Variants in MYLK observed in about 807,000 individuals in gnomAD.
The protein encoded by MYLK is myosin light chain kinase, smooth muscle.
MYLK carries 106 observed loss-of-function variants against 203.4 expected under a neutral mutation model. That is an observed-to-expected ratio of 0.52 (90% CI 0.45 to 0.61). The LOEUF (loss-of-function observed/expected upper bound fraction) is 0.61, where lower values mean the gene tolerates loss of function less well. Among genes scored for constraint, MYLK ranks in the 20% least tolerant of loss-of-function variants. The probability of loss-of-function intolerance (pLI) is 0.00; values close to 1 mark genes in which losing one functional copy is unlikely to be tolerated. For missense variants in MYLK, 2,072 were observed against 2,442.3 expected, an observed-to-expected ratio of 0.85 and a Z score of 3.20; for synonymous variants, 867 against 959.5, an observed-to-expected ratio of 0.90 and a Z score of 1.78.
intron 2 of MYLK, among the ~76,000 whole-genome samples, chr3:123,843,986 T>A (rs938647519): frequency 2.0e-5 from 3 of 152,168 alleles, no homozygotes; most frequent in Non-Finnish European, 4.4e-5. Flanking sequence ...CTTGGAGACC[T>A]CTCTTAAAAG....
In MYLK at chr3:123,613,973, A is replaced by G. The variant is rs556443901; in HGVS notation, c.*132T>C. The G allele has an allele frequency of 1.2e-5, 14 of 1,127,440 alleles. No homozygotes were observed. The African/African-American group carries it at 2.2e-4, about 18-fold the overall frequency. The allele number at this position is 1,127,440 out of a possible 1,614,324, so 69.8% of individuals were successfully genotyped here. A position where few individuals can be genotyped will look rare whatever the true frequency, so the allele number is the denominator to read the frequency against. Reference sequence around the variant, plus strand: ...ATCAACTGCTGTTTCTGAAGAATCAACCCACAAATGACCTAACCGATAATC... The same window carrying G: ...ATCAACTGCTGTTTCTGAAGAATCAGCCCACAAATGACCTAACCGATAATC... On this transcript the variant is annotated 3_prime_UTR_variant, in exon 34 of 34. Transcript: ENST00000360304.
intron 19 of MYLK, among the ~76,000 whole-genome samples, chr3:123,684,035 G>T (rs1256935393): frequency 6.6e-6 from 1 of 152,208 alleles, no homozygotes; most frequent in Non-Finnish European, 1.5e-5. Flanking sequence ...AGGACACAGA[G>T]AAGCAGAAAG....
chr3:123,654,404 G>C (rs2059326607), intron 24 of MYLK, among the ~76,000 whole-genome samples: 1 of 152,004 alleles, frequency 6.6e-6, no homozygotes, highest in Non-Finnish European at 1.5e-5. Flanking sequence ...TACTCACGAT[G>C]GCTCTAGCTC....
intron 29 of MYLK, among the ~76,000 whole-genome samples, chr3:123,632,494 C>T (rs568792154): frequency 2.0e-5 from 3 of 152,322 alleles, no homozygotes; most frequent in African/African-American, 7.2e-5. Flanking sequence ...CTCTGCAACT[C>T]TGGGCACAGT....
intron 4 of MYLK, among the ~76,000 whole-genome samples, chr3:123,758,687 G>A (rs565515747): frequency 1.6e-4 from 25 of 152,196 alleles, no homozygotes; most frequent in Middle Eastern, 6.8e-3. Flanking sequence ...CTTCTGGACC[G>A]CTTAATCAAA....
intron 31 of MYLK, chr3:123,622,880 C>T (rs762270620): frequency 2.0e-5 from 3 of 152,194 alleles, no homozygotes; most frequent in Non-Finnish European, 4.4e-5. Flanking sequence ...ACATCAAGAT[C>T]GCCAAGTTTT....
In MYLK at chr3:123,793,756, AG is replaced by A; in HGVS notation, c.85del (p.Leu29Ter). ...VDPSRVDSMP[L>X]TEAPAFILPP... The stretch of plus-strand genomic sequence containing the variant: ...CAAAATGAAAGCAGGGGCCTCTGTC[AG>A]GGGCATGGAGTCAACTCTTGAGGGA... On this transcript the variant is annotated frameshift_variant, in exon 4 of 34. Transcript: ENST00000360304. LOFTEE classifies it high-confidence loss of function. 6.2e-7 allele frequency: 1 copy of A among 1,613,920 alleles called. No individual in the cohort carries two copies. The highest frequency in any genetic ancestry group is 1.3e-5 in the African/African-American group (1 of 74,960).
chr3:123,857,928 T>C lies in MYLK; in HGVS notation c.-127+18631A>G, dbSNP rs183102617. On this transcript the variant is annotated intron_variant, in intron 2 of 33. Transcript: ENST00000360304. The stretch of plus-strand genomic sequence containing the variant: ...TGGGCCTGTCACCCTGGCCTGTATA[T>C]ATTAATTTTCCCTTGCACTTCAACC... 1.1e-4 allele frequency among the ~76,000 whole-genome samples: 17 copies of C among 152,218 alleles called. No homozygotes were observed. The East Asian group carries it at 3.1e-3, about 28-fold the overall frequency.
chr3:123,797,544 C>T (rs889606828), intron 3 of MYLK, among the ~76,000 whole-genome samples: 7 of 152,168 alleles, frequency 4.6e-5, no homozygotes, highest in Admixed American at 2.0e-4. Flanking sequence ...GTGCCCTCCT[C>T]CTCTGCCACA....
chr3:123,818,508 G>A (rs531701358), intron 3 of MYLK, among the ~76,000 whole-genome samples: 27 of 152,120 alleles, frequency 1.8e-4, no homozygotes, highest in Non-Finnish European at 2.8e-4. Context: ...TGGACAACAC[G>A]GCAAACCACA....
At chr3:123,614,549 T>C (rs980056346) in intron 33 of MYLK, among the ~76,000 whole-genome samples, 200 bp from the exon 34 acceptor site, 1 of 152,160 alleles carries the variant, frequency 6.6e-6, no homozygotes, top group African/African-American at 2.4e-5. Context: ...AAACCCCAAA[T>C]AGAATATTTT....
chr3:123,666,106 A>G, intron 22 of MYLK, 113 bp downstream of exon 22: 1 of 1,546,178 alleles, frequency 6.5e-7, no homozygotes, highest in Non-Finnish European at 8.9e-7. Context: ...TCCCATTTCT[A>G]AAGCTACGAA....
At chr3:123,737,066 A>G (rs1300662034) in intron 8 of MYLK, among the ~76,000 whole-genome samples, 1 of 151,722 alleles carries the variant, frequency 6.6e-6, no homozygotes, top group Non-Finnish European at 1.5e-5. Context: ...AAAAAATACA[A>G]AAATCAGCCG....
chr3:123,736,950 T>G (rs2062692250), intron 8 of MYLK, among the ~76,000 whole-genome samples: 1 of 151,614 alleles, frequency 6.6e-6, no homozygotes, highest in African/African-American at 2.4e-5. Context: ...CTGCCCCTTG[T>G]GGCCGGGCGT....
At chr3:123,693,249 C>A (rs1186189706) in intron 18 of MYLK, among the ~76,000 whole-genome samples, 1 of 152,196 alleles carries the variant, frequency 6.6e-6, no homozygotes, top group Non-Finnish European at 1.5e-5. Context: ...GGGTTACAGA[C>A]CTGTGTTAGG....
chr3:123,691,436 G>A (rs1207158170), intron 19 of MYLK: 7 of 152,120 alleles, frequency 4.6e-5, no homozygotes, highest in Admixed American at 3.9e-4. Context: ...GCACATATAC[G>A]CACGATCTCC....
chr3:123,856,577 G>A (rs1032669706), intron 2 of MYLK, among the ~76,000 whole-genome samples: 8 of 151,876 alleles, frequency 5.3e-5, no homozygotes, highest in Non-Finnish European at 7.4e-5. Flanking sequence ...TTTTATATAC[G>A]TTCCTAATCT....
chr3:123,747,105 G>A (rs1470770994), intron 5 of MYLK, among the ~76,000 whole-genome samples: 1 of 152,170 alleles, frequency 6.6e-6, no homozygotes, highest in African/African-American at 2.4e-5. Flanking sequence ...GAGTCTAAGA[G>A]ATCTGCCCCT....
chr3:123,788,687 G>A (rs2064647503), intron 4 of MYLK, among the ~76,000 whole-genome samples: 3 of 152,080 alleles, frequency 2.0e-5, no homozygotes, highest in Admixed American at 6.5e-5. Flanking sequence ...ATACACTATT[G>A]TATAAAGTGG....
Sources: gnomAD v4.1 joint callset for allele counts (sites outside exome capture counted in the v4.1 genomes callset) on GRCh38, gnomAD v4.1.1 for gene constraint, MANE v1.5 for transcripts, NCBI Gene and HGNC (gene_info 2026-07-23, HGNC 2026-07-21) for gene names.